The following VPS13A variants were observed in gnomAD, a reference collection of about 807,000 sequenced individuals.
VPS13A encodes vacuolar protein sorting 13 homolog A, also known as intermembrane lipid transfer protein VPS13A.
In VPS13A, 264 loss-of-function variants were observed where a neutral mutation model predicts 390.9. The observed-to-expected ratio is 0.68, with a 90% CI of 0.61 to 0.75. The LOEUF is 0.75. Among genes scored for constraint, VPS13A ranks in the 30% least tolerant of loss-of-function variants. VPS13A has a pLI of 0.00. For missense variants in VPS13A, 3,409 were observed against 3,733.9 expected (o/e 0.91, Z 2.27); for synonymous variants, 1,231 against 1,227.1 (o/e 1.00, Z -0.07).
At chr9:77,265,043 A>G (rs993268842) in intron 23 of VPS13A, among the ~76,000 whole-genome samples, 69 of 152,188 alleles carry the variant, frequency 4.5e-4, no homozygotes, top group Admixed American at 3.3e-3. Context: ...TTCCGCATCT[A>G]TTGAGGTAAT....
chr9:77,332,475 A>AT (rs1213141395), intron 46 of VPS13A, among the ~76,000 whole-genome samples: 2 of 151,776 alleles, frequency 1.3e-5, no homozygotes, highest in African/African-American at 2.4e-5. Context: ...TTATAATACA[A>AT]TTTTTTTGAA....
chr9:77,405,824 A>T (rs1476844920), intron 69 of VPS13A, 40 bp from the exon 70 acceptor site: 1 of 1,609,154 alleles, frequency 6.2e-7, no homozygotes, highest in Non-Finnish European at 8.5e-7. Context: ...TAAGTGCCTC[A>T]ATTTTAAAGC....
intron 26 of VPS13A, 166 bp from the exon 27 acceptor site, chr9:77,279,993 G>A (rs1489834140): frequency 1.9e-6 from 1 of 513,982 alleles, no homozygotes; most frequent in East Asian, 3.6e-5. Flanking sequence ...TAAATTTTTA[G>A]AGTTTAAAGA....
intron 67 of VPS13A, among the ~76,000 whole-genome samples, chr9:77,381,315 C>T (rs566470249): frequency 1.3e-5 from 2 of 151,840 alleles, no homozygotes; most frequent in East Asian, 1.9e-4. Flanking sequence ...GTGTATGCTG[C>T]CCAGGATTGG....
intron 50 of VPS13A, 138 bp downstream of exon 50, chr9:77,340,688 AT>A: frequency 1.9e-6 from 2 of 1,040,940 alleles, no homozygotes; most frequent in Non-Finnish European, 2.9e-6. Flanking sequence ...TTTATTGAAT[AT>A]TTGTGCCCTG....
At chr9:77,406,089 A>C in intron 70 of VPS13A, 102 bp downstream of exon 70, 1 of 1,492,280 alleles carries the variant, frequency 6.7e-7, no homozygotes, top group Non-Finnish European at 9.2e-7. Flanking sequence ...TATAGATGTC[A>C]CTTTGTCCTG....
chr9:77,243,072 A>G (rs909255213), intron 19 of VPS13A, among the ~76,000 whole-genome samples: 1 of 152,094 alleles, frequency 6.6e-6, no homozygotes, highest in Non-Finnish European at 1.5e-5. Context: ...AGAGACTCAT[A>G]TATATTATAA....
chr9:77,292,056 T>A (rs912810470), intron 31 of VPS13A, among the ~76,000 whole-genome samples: 2 of 152,286 alleles, frequency 1.3e-5, no homozygotes, highest in South Asian at 4.1e-4. Flanking sequence ...CTTCCCCTAG[T>A]TTCTTATGGC....
intron 53 of VPS13A, 79 bp downstream of exon 53, chr9:77,351,525 T>C: frequency 6.4e-7 from 1 of 1,554,170 alleles, no homozygotes; most frequent in Non-Finnish European, 8.8e-7. Flanking sequence ...GGCTCACGCC[T>C]GTAATCCCAG....
Position 77,339,853 on chromosome 9 carries a change from A to G in VPS13A, c.6716A>G (p.Asn2239Ser). ...GGAATTCATCGAAAGCATCCACCTA[A>G]TTATAAAAAGCCAGTTCTCTTTTCT... Reference protein sequence around the residue: ...ADGIHRKHPPNYKKPVLFSFQ... With the variant: ...ADGIHRKHPPSYKKPVLFSFQ... Residue 2239 changes from asparagine (N) to serine (S), a missense_variant, in exon 48 of 72, where the codon AAT becomes AGT. Physicochemically the swap from Asn to Ser is conservative, Grantham distance 46 (BLOSUM62 1). This residue lies in a region of VPS13A where 2,717 missense variants were observed against 2,917.4 expected (regional missense o/e 0.93). Transcript: ENST00000360280. The G allele has an allele frequency of 2.5e-6, 4 of 1,613,752 alleles. No homozygotes were observed. Among genetic ancestry groups the G allele is most frequent in the Non-Finnish European group, 3.4e-6 (4 of 1,179,934 alleles).
At chr9:77,372,927 A>G (rs1164656892) in intron 67 of VPS13A, among the ~76,000 whole-genome samples, 3 of 151,896 alleles carry the variant, frequency 2.0e-5, no homozygotes, top group Admixed American at 2.0e-4. Flanking sequence ...CCAACTTACA[A>G]GGGATGTGAA....
rs540593496 is a variant in VPS13A, at chr9:77,309,849, G to A, written c.4114+1751G>A. ...ACACATTTTCATGAGATGTCAGAAT[G>A]GTAAAGCTAAGATTTTCTGAAGTTT... On this transcript the variant is annotated intron_variant, in intron 35 of 71. Coordinates refer to ENST00000360280, the MANE Select transcript of VPS13A (RefSeq NM_033305.3). Among the ~76,000 whole-genome samples, 6 of 151,342 alleles carry A rather than the reference G, an allele frequency of 4.0e-5. No homozygotes were observed. In the East Asian group the frequency reaches 1.2e-3, roughly 30 times the overall value.
chr9:77,270,670 G>A (rs1826298360), intron 23 of VPS13A, among the ~76,000 whole-genome samples: 1 of 152,006 alleles, frequency 6.6e-6, no homozygotes, highest in South Asian at 2.1e-4. Context: ...CAGCCTGGGT[G>A]ACAGAAGGAG....
At chr9:77,341,314 C>T (rs1830793896) in intron 50 of VPS13A, among the ~76,000 whole-genome samples, 2 of 152,068 alleles carry the variant, frequency 1.3e-5, no homozygotes, top group Middle Eastern at 6.8e-3. Flanking sequence ...TCTGTTTTCA[C>T]TGTATTAAAT....
Position 77,341,691 on chromosome 9 carries a change from C to CTTTTT in VPS13A, c.7026+1166_7026+1170dup, listed in dbSNP as rs57841628. On this transcript the variant is annotated intron_variant, in intron 50 of 71. Transcript: ENST00000360280. Reference sequence around the variant, plus strand: ...AGTAAGTTCTACATGGACATCTTTCCTTTTTTTTTTTTTTTTTTTTTTTTT... The same window carrying CTTTTT: ...AGTAAGTTCTACATGGACATCTTTCCTTTTTTTTTTTTTTTTTTTTTTTTTTTTTT... Among the ~76,000 whole-genome samples the CTTTTT allele has an allele frequency of 7.9e-3, 297 of 37,834 alleles. 18 individuals are homozygous for CTTTTT. Among genetic ancestry groups the CTTTTT allele is most frequent in the East Asian group, 0.012 (15 of 1,214 alleles). The allele number at this position is 37,834 out of a possible 152,430, so 24.8% of individuals were successfully genotyped here. A position where few individuals can be genotyped will look rare whatever the true frequency, so the allele number is the denominator to read the frequency against.
rs549963487 is a variant in VPS13A at position 77,370,890 on chromosome 9, G to C, written c.8908G>C (p.Gly2970Arg). The C allele has an allele frequency of 6.2e-7, 1 of 1,612,908 alleles. No homozygotes were observed. The highest frequency in any genetic ancestry group is 2.2e-5 in the East Asian group (1 of 44,866). ...ITRGGKGLVS[G>R]FVSGITGIVT... ...ATTTTCAGTTGTGTTTTCCTTCTAGGGATTTGTTAGTGGCATAACAGGAAT... is the reference window on the plus strand; with the variant it reads ...ATTTTCAGTTGTGTTTTCCTTCTAGCGATTTGTTAGTGGCATAACAGGAAT... The change falls in exon 66 of 72, where the codon GGA becomes CGA. Residue 2970 changes from glycine (G) to arginine (R), a missense_variant and splice_region_variant. Transcript: ENST00000360280.
In VPS13A at chr9:77,281,922, T is replaced by C; in HGVS notation, c.2960T>C (p.Ile987Thr). The C allele has an allele frequency of 6.4e-7, 1 of 1,566,296 alleles. No individual in the cohort carries two copies. Among genetic ancestry groups the C allele is most frequent in the Non-Finnish European group, 8.8e-7 (1 of 1,138,368 alleles). Residue 987 changes from isoleucine (I) to threonine (T), a missense_variant, in exon 28 of 72, where the codon ATT becomes ACT. By Grantham distance (89) the Ile-to-Thr change is moderately conservative. This residue lies in a region of VPS13A where 2,717 missense variants were observed against 2,917.4 expected (regional missense o/e 0.93). Coordinates refer to ENST00000360280, the MANE Select transcript of VPS13A (RefSeq NM_033305.3). ...KSTYNNVLQL[I>T]KVNFSSLDIH... ...ACCTATAACAATGTTTTACAATTGATTAAGGTATGAGTAGATAATTTATTT... is the reference window on the plus strand; with the variant it reads ...ACCTATAACAATGTTTTACAATTGACTAAGGTATGAGTAGATAATTTATTT...
intron 71 of VPS13A, among the ~76,000 whole-genome samples, chr9:77,414,996 C>G (rs1007559873): frequency 6.6e-6 from 1 of 152,126 alleles, no homozygotes; most frequent in Non-Finnish European, 1.5e-5. Flanking sequence ...AATTTTCTAT[C>G]TAGACATTCT....
intron 17 of VPS13A, among the ~76,000 whole-genome samples, chr9:77,233,621 C>T (rs192982828): frequency 1.3e-5 from 2 of 151,728 alleles, no homozygotes; most frequent in East Asian, 1.9e-4. Context: ...TCCATTTCAA[C>T]GTATTTTCTG....
Sources: allele counts gnomAD v4.1 joint callset (sites outside exome capture counted in the v4.1 genomes callset), GRCh38; gene constraint gnomAD v4.1.1; regional missense constraint gnomAD v4.1.1; transcripts MANE v1.5; gene names NCBI Gene and HGNC (gene_info 2026-07-23, HGNC 2026-07-21).